Variants in NELFCD observed in about 807,000 individuals in gnomAD.
NELFCD encodes negative elongation factor complex member C/D.
NELFCD carries 48 observed loss-of-function variants against 72.9 expected under a neutral mutation model. The ratio of observed to expected loss-of-function variants is 0.66; its 90% CI spans 0.52 to 0.84. The LOEUF is 0.84. NELFCD is among the 40% of genes least tolerant of loss of function. The probability of loss-of-function intolerance (pLI) is 0.00; values close to 1 mark genes in which losing one functional copy is unlikely to be tolerated. For missense variants in NELFCD, 538 were observed against 723.8 expected (o/e 0.74, Z 2.94); for synonymous variants, 297 against 280.6 (o/e 1.06, Z -0.59).
chr20:58,989,233 C>T, intron 5 of NELFCD: 2 of 618,690 alleles, frequency 3.2e-6, no homozygotes, highest in Non-Finnish European at 5.7e-6. Flanking sequence ...AGCAGGGATA[C>T]AAGAATTCTC....
At chr20:58,983,548 T>TC (rs1338451579) in intron 1 of NELFCD, among the ~76,000 whole-genome samples, 2 of 151,206 alleles carry the variant, frequency 1.3e-5, no homozygotes, top group Non-Finnish European at 2.9e-5. Context: ...CAAGTGATTC[T>TC]CCAAGTAGCT....
At chr20:58,984,770 T>G (rs1286535780) in intron 1 of NELFCD, among the ~76,000 whole-genome samples, 2 of 152,034 alleles carry the variant, frequency 1.3e-5, no homozygotes, top group African/African-American at 4.8e-5. Context: ...CCAGGCTAAT[T>G]CTAGATTGGT....
rs949366306 is a variant in NELFCD, at chr20:58,993,848, C to T, written c.1581+84C>T. The T allele has an allele frequency of 5.6e-6, 8 of 1,425,400 alleles. No individual in the cohort carries two copies. Among genetic ancestry groups the T allele is most frequent in the Non-Finnish European group, 7.7e-6 (8 of 1,032,744 alleles). The allele number at this position is 1,425,400 out of a possible 1,614,324, so 88.3% of individuals were successfully genotyped here. A position where few individuals can be genotyped will look rare whatever the true frequency, so the allele number is the denominator to read the frequency against. On this transcript the variant is annotated intron_variant, in intron 13 of 14. Transcript: ENST00000652272. This position sits in a 1 kb window ranked among gnomAD's most constrained non-coding sequence, Gnocchi z 5.0. ...TGGCTTAATTTAGTTCATTTTGTAC[C>T]TAACTGAGAACTGTGCTTTCTGATG...
intron 3 of NELFCD, chr20:58,987,264 T>G (rs1231789764): frequency 3.9e-6 from 1 of 253,402 alleles, no homozygotes; most frequent in East Asian, 1.1e-4. Flanking sequence ...AGAGTCTTAC[T>G]GTAAATCCAC....
At chr20:58,990,530 A>C (rs2091808136) in intron 7 of NELFCD, 1 of 189,994 alleles carries the variant, frequency 5.3e-6, no homozygotes, top group African/African-American at 2.4e-5. Flanking sequence ...AAAGCACTTG[A>C]TTCGTCTTCC....
intron 5 of NELFCD, 59 bp from the exon 6 acceptor site, chr20:58,989,429 T>C: frequency 6.3e-7 from 1 of 1,595,778 alleles, no homozygotes; most frequent in African/African-American, 1.3e-5. Context: ...ACAAGCCAGC[T>C]TCCCGTGGAG....
At position 58,994,204 on chromosome 20, in the gene NELFCD, CG is replaced by C. The variant is rs2091840156; in HGVS notation, c.1678del (p.Glu560LysfsTer7). The C allele has an allele frequency of 6.2e-7, 1 of 1,614,028 alleles. No individual in the cohort carries two copies. On this transcript the variant is annotated frameshift_variant, in exon 14 of 15. Transcript: ENST00000652272. LOFTEE classifies it high-confidence loss of function. ...ENDSIAGTIK[T>X]EGEHDPVTEF... is the part of the protein sequence containing the mutation. ...GACAGCATCGCAGGTACCATCAAAA[CG>C]GAAGGCGAGCATGACCCTGTGACGG...
intron 9 of NELFCD, 139 bp downstream of exon 9, chr20:58,991,585 A>G (rs1227942470): frequency 3.0e-6 from 3 of 992,112 alleles, no homozygotes; most frequent in East Asian, 5.2e-5. Context: ...GTTTCTGCGT[A>G]GAGAAAGCAC....
At chr20:58,991,525 G>C in intron 9 of NELFCD, 79 bp downstream of exon 9, 1 of 1,549,698 alleles carries the variant, frequency 6.5e-7, no homozygotes, top group Non-Finnish European at 8.8e-7. Context: ...TTGGAATTTT[G>C]GCTGCAAGAA....
chr20:58,994,067 G>T, intron 13 of NELFCD, 43 bp from the exon 14 acceptor site: 1 of 1,607,554 alleles, frequency 6.2e-7, no homozygotes, highest in South Asian at 1.1e-5. Context: ...TGGATGCCCC[G>T]CACTAGTGTG....
intron 1 of NELFCD, among the ~76,000 whole-genome samples, chr20:58,983,443 T>TA (rs2091751436): frequency 6.7e-6 from 1 of 149,846 alleles, no homozygotes. Flanking sequence ...GCCTTTTTTT[T>TA]TTTTTTTTTT....
In NELFCD at chr20:58,986,986, G is replaced by A; in HGVS notation, c.286+123G>A. The A allele has an allele frequency of 1.7e-6, 1 of 591,842 alleles. No homozygotes were observed. The highest frequency in any genetic ancestry group is 3.0e-6 in the Non-Finnish European group (1 of 336,668). The allele number at this position is 591,842 out of a possible 1,614,324, so 36.7% of individuals were successfully genotyped here. The stretch of plus-strand genomic sequence containing the variant: ...TTCCTGGTTTCTGAGACTTGTGTAA[G>A]AAAGAGCTGAACTTCTTACTCATTT... On this transcript the variant is annotated intron_variant, in intron 3 of 14. Transcript: ENST00000652272. The surrounding 1 kb of genome is among the most constrained non-coding windows in gnomAD (Gnocchi z 4.4).
chr20:58,994,731 A>G lies in NELFCD; in HGVS notation c.*55A>G. 1 of 1,482,644 alleles carries G rather than the reference A, an allele frequency of 6.7e-7. No homozygotes were observed. Among genetic ancestry groups the G allele is most frequent in the Non-Finnish European group, 9.4e-7 (1 of 1,067,690 alleles). The allele number at this position is 1,482,644 out of a possible 1,614,324, so 91.8% of individuals were successfully genotyped here. ...ACATTCCAGAACCCGTTGTGGAAAA[A>G]CCCTTTCAAGAAGCTGTTTTAAGAG... On this transcript the variant is annotated 3_prime_UTR_variant, in exon 15 of 15. Coordinates refer to ENST00000652272, the MANE Select transcript of NELFCD (RefSeq NM_198976.4).
chr20:58,991,739 CTG>C (rs1395846696), intron 9 of NELFCD, 140 bp from the exon 10 acceptor site: 1 of 943,802 alleles, frequency 1.1e-6, no homozygotes, highest in East Asian at 2.6e-5. Flanking sequence ...CACTGTGTGA[CTG>C]TGAAGTTTGA....
rs771039440 is a variant in NELFCD at position 58,991,423 on chromosome 20, A to G, written c.1066A>G (p.Ser356Gly). The G allele has an allele frequency of 1.1e-5, 18 of 1,614,142 alleles. No homozygotes were observed. Among genetic ancestry groups the G allele is most frequent in the South Asian group, 3.3e-5 (3 of 91,094 alleles). Residue 356 changes from serine to glycine, a missense_variant, in exon 9 of 15, where the codon AGC (serine) becomes GGC (glycine). Physicochemically the swap from Ser to Gly is moderately conservative, Grantham distance 56. This residue lies in a region of NELFCD where 355 missense variants were observed against 534.5 expected (regional missense o/e 0.66). Coordinates refer to ENST00000652272, the MANE Select transcript of NELFCD (RefSeq NM_198976.4). ...KYIHILAYAA[S>G]VVETWKKNKR... is the part of the protein sequence containing the mutation. ...CATCCACATCTTGGCGTACGCAGCA[A>G]GCGTGGTTGAGACCTGGAAGAAGGT...
Position 58,986,635 on chromosome 20 carries a change from A to G in NELFCD, c.177-119A>G. ...TGGGATTACAGGTGTGCACCACTGC[A>G]CCCAGCCCCCTCCGCTGCTTTAAAA... is the stretch of plus-strand genomic sequence containing the variant. On this transcript the variant is annotated intron_variant, in intron 2 of 14. Transcript: ENST00000652272. This position sits in a 1 kb window ranked among gnomAD's most constrained non-coding sequence, Gnocchi z 4.4. 1.3e-6 allele frequency: 1 copy of G among 782,382 alleles called. No individual in the cohort carries two copies. The highest frequency in any genetic ancestry group is 1.7e-5 in the Admixed American group (1 of 57,758). 48.5% of individuals were successfully genotyped at this position (782,382 alleles called of 1,614,324 possible). A position where few individuals can be genotyped will look rare whatever the true frequency, so the allele number is the denominator to read the frequency against.
At chr20:58,992,111 C>T (rs755398822) in intron 10 of NELFCD, 91 bp downstream of exon 10, 35 of 1,301,660 alleles carry the variant, frequency 2.7e-5, no homozygotes, top group Non-Finnish European at 3.4e-5. Context: ...ACAAAAGCTT[C>T]AGCGATACTT....
chr20:58,991,891 T>C lies in NELFCD; in HGVS notation c.1100T>C (p.Val367Ala), dbSNP rs188525919. The change falls in exon 10 of 15, where the codon GTG becomes GCG. Residue 367 changes from valine to alanine, a missense_variant. Coordinates refer to ENST00000652272, the MANE Select transcript of NELFCD (RefSeq NM_198976.4). The stretch of plus-strand genomic sequence containing the variant: ...TGTGTGTGTTTTCAGAACAAGCGAG[T>C]GAGCATCAATAAAGATGAGCTGAAG... ...VVETWKKNKR[V>A]SINKDELKST... 78 of 1,614,082 alleles carry C rather than the reference T, an allele frequency of 4.8e-5. 1 individual carries two copies. The East Asian group carries it at 1.2e-3, about 24-fold the overall frequency.
Position 58,986,769 on chromosome 20 carries a change from A to G in NELFCD, c.192A>G (p.Gly64=). ...FNTLKRYFQA[G]GSPENVIQLL... is the part of the protein sequence containing the mutation. ...CTTTCCCTAGGTATTTTCAGGCAGG[A>G]GGGTCTCCAGAGAATGTTATCCAGC... is the stretch of plus-strand genomic sequence containing the variant. Residue 64 remains glycine (G), a synonymous_variant, in exon 3 of 15, where the codon GGA becomes GGG. Transcript: ENST00000652272. The surrounding 1 kb of genome is among the most constrained non-coding windows in gnomAD (Gnocchi z 4.4). 6.2e-7 allele frequency: 1 copy of G among 1,612,020 alleles called. No homozygotes were observed. The highest frequency in any genetic ancestry group is 8.5e-7 in the Non-Finnish European group (1 of 1,178,096).
Sources: gnomAD v4.1 joint callset for allele counts (sites outside exome capture counted in the v4.1 genomes callset) on GRCh38, gnomAD v4.1.1 for gene constraint, gnomAD v4.1.1 regional missense constraint, Gnocchi (gnomAD v3.1) non-coding constraint, MANE v1.5 for transcripts, NCBI Gene and HGNC (gene_info 2026-07-23, HGNC 2026-07-21) for gene names.